Variants in GRIK1 observed in about 807,000 individuals in gnomAD.
GRIK1 encodes glutamate ionotropic receptor kainate type subunit 1.
Under a neutral mutation model 105.7 loss-of-function variants are expected in GRIK1, and 69 were observed. The ratio of observed to expected loss-of-function variants is 0.65; its 90% CI spans 0.54 to 0.80. The LOEUF (loss-of-function observed/expected upper bound fraction) is 0.80. GRIK1 is among the 30% of genes least tolerant of loss of function. GRIK1 has a pLI of 0.00. For missense variants in GRIK1, 1,109 were observed against 1,167.3 expected (o/e 0.95, Z 0.73); for synonymous variants, 438 against 431.3 (o/e 1.02, Z -0.19).
intron 1 of GRIK1, among the ~76,000 whole-genome samples, chr21:29,919,302 A>C (rs2071109997): frequency 6.6e-6 from 1 of 152,130 alleles, no homozygotes; most frequent in African/African-American, 2.4e-5. Context: ...GCTGGTGAAG[A>C]GTGGATCTGG....
At chr21:29,859,920 A>G (rs1368308571) in intron 1 of GRIK1, among the ~76,000 whole-genome samples, 1 of 152,220 alleles carries the variant, frequency 6.6e-6, no homozygotes, top group African/African-American at 2.4e-5. Flanking sequence ...CATGGTTTAT[A>G]GGCAGAAGTA....
intron 1 of GRIK1, among the ~76,000 whole-genome samples, chr21:29,824,424 A>G (rs1478500598): frequency 6.6e-6 from 1 of 152,028 alleles, no homozygotes; most frequent in Non-Finnish European, 1.5e-5. Flanking sequence ...GGGAGACAAA[A>G]ATACCAATGA....
At chr21:29,733,805 A>C (rs1361446600) in intron 1 of GRIK1, among the ~76,000 whole-genome samples, 1 of 152,162 alleles carries the variant, frequency 6.6e-6, no homozygotes, top group African/African-American at 2.4e-5. Context: ...ACCATTTACT[A>C]ACATAATGTC....
Position 29,770,701 on chromosome 21 carries a change from C to T in GRIK1, c.119-76638G>A, listed in dbSNP as rs142768834. ...TTGTTCCAACTTGCTTCAACAAGAA[C>T]ATCTAATAAAAATATCTTATTTCAG... is the stretch of plus-strand genomic sequence containing the variant. On this transcript the variant is annotated intron_variant, in intron 1 of 17. Transcript: ENST00000327783. 3.6e-3 allele frequency among the ~76,000 whole-genome samples: 547 copies of T among 152,342 alleles called. 3 individuals are homozygous for T. The highest frequency in any genetic ancestry group is 6.8e-3 in the Middle Eastern group (2 of 294).
intron 7 of GRIK1, among the ~76,000 whole-genome samples, chr21:29,605,755 G>T (rs917596610): frequency 9.9e-5 from 15 of 152,132 alleles, no homozygotes; most frequent in African/African-American, 3.6e-4. Context: ...ATATGTAAAA[G>T]AATGTAAATC....
chr21:29,773,926 T>C (rs1254348254), intron 1 of GRIK1, among the ~76,000 whole-genome samples: 1 of 152,160 alleles, frequency 6.6e-6, no homozygotes, highest in African/African-American at 2.4e-5. Context: ...CCCTTTCCCG[T>C]CTGAAAAAAG....
At chr21:29,748,833 G>T (rs1267833478) in intron 1 of GRIK1, 1 of 152,208 alleles carries the variant, frequency 6.6e-6, no homozygotes, top group Non-Finnish European at 1.5e-5. Flanking sequence ...TTTTGTGACA[G>T]CTACCTGGAA....
chr21:29,856,608 C>T (rs923618028), intron 1 of GRIK1, among the ~76,000 whole-genome samples: 9 of 152,116 alleles, frequency 5.9e-5, no homozygotes, highest in African/African-American at 1.9e-4. Flanking sequence ...TGTCTAAGCA[C>T]CGATGATATA....
intron 1 of GRIK1, among the ~76,000 whole-genome samples, chr21:29,755,572 G>A (rs1182117814): frequency 1.3e-5 from 2 of 152,194 alleles, no homozygotes; most frequent in South Asian, 2.1e-4. Context: ...GCAAAACATC[G>A]CTCCAGAGAG....
At chr21:29,839,675 G>A (rs993092993) in intron 1 of GRIK1, among the ~76,000 whole-genome samples, 4 of 152,072 alleles carry the variant, frequency 2.6e-5, no homozygotes, top group Admixed American at 2.6e-4. Flanking sequence ...GAAAGTGATA[G>A]TCCCACTTAT....
chr21:29,827,529 G>T (rs767712516), intron 1 of GRIK1, among the ~76,000 whole-genome samples: 11 of 152,026 alleles, frequency 7.2e-5, no homozygotes, highest in Non-Finnish European at 1.5e-4. Flanking sequence ...AAGTAGGGTG[G>T]ACATCTCAGG....
At chr21:29,594,231 G>T (rs1426010075) in intron 9 of GRIK1, among the ~76,000 whole-genome samples, 1 of 152,052 alleles carries the variant, frequency 6.6e-6, no homozygotes, top group Non-Finnish European at 1.5e-5. Flanking sequence ...GTGTACCTGT[G>T]TCTTTTAAAC....
intron 1 of GRIK1, among the ~76,000 whole-genome samples, chr21:29,892,327 G>A (rs2069932544): frequency 6.6e-6 from 1 of 152,220 alleles, no homozygotes; most frequent in African/African-American, 2.4e-5. Context: ...GAAGGAGGTG[G>A]CATGTGAATC....
intron 7 of GRIK1, among the ~76,000 whole-genome samples, chr21:29,619,265 C>T (rs1437014039): frequency 6.6e-6 from 1 of 151,902 alleles, no homozygotes; most frequent in Non-Finnish European, 1.5e-5. Flanking sequence ...AGTGAAACCT[C>T]GTCTCTGCTA....
chr21:29,544,567 G>A (rs906455763), intron 16 of GRIK1, among the ~76,000 whole-genome samples: 2 of 152,056 alleles, frequency 1.3e-5, no homozygotes, highest in Non-Finnish European at 2.9e-5. Context: ...TTATCTTCAG[G>A]GTAGGGATGA....
intron 1 of GRIK1, among the ~76,000 whole-genome samples, chr21:29,877,004 C>G (rs2069215094): frequency 1.3e-5 from 2 of 152,020 alleles, no homozygotes; most frequent in Admixed American, 1.3e-4. Flanking sequence ...AAAATGACAG[C>G]TCAAAAGATG....
chr21:29,918,370 T>C (rs533011931), intron 1 of GRIK1, among the ~76,000 whole-genome samples: 1 of 152,074 alleles, frequency 6.6e-6, no homozygotes, highest in Non-Finnish European at 1.5e-5. Flanking sequence ...GAAGTAGACA[T>C]AACCAATCTC....
intron 7 of GRIK1, among the ~76,000 whole-genome samples, chr21:29,618,446 C>A (rs1026577205): frequency 6.6e-6 from 1 of 152,176 alleles, no homozygotes. Flanking sequence ...TGGAAAACAG[C>A]GTGGCGATTC....
At chr21:29,851,474 C>T (rs894528903) in intron 1 of GRIK1, among the ~76,000 whole-genome samples, 1 of 152,202 alleles carries the variant, frequency 6.6e-6, no homozygotes, top group Non-Finnish European at 1.5e-5. Context: ...ATCCTCTTCC[C>T]ATAACATGGC....
Sources: gnomAD v4.1 joint callset for allele counts (sites outside exome capture counted in the v4.1 genomes callset) on GRCh38, gnomAD v4.1.1 for gene constraint, MANE v1.5 for transcripts, NCBI Gene and HGNC (gene_info 2026-07-23, HGNC 2026-07-21) for gene names.